Variants in ST6GALNAC1 observed in about 807,000 individuals in gnomAD.
ST6GALNAC1 encodes alpha-N-acetylgalactosaminide alpha-2,6-sialyltransferase 1.
Under a neutral mutation model 56.8 loss-of-function variants are expected in ST6GALNAC1, and 45 were observed. The observed-to-expected ratio is 0.79, with a 90% CI of 0.62 to 1.02. ST6GALNAC1 has a LOEUF of 1.02. Ranked by LOEUF, ST6GALNAC1 falls within the 50% of genes least tolerant of loss-of-function variation. The pLI is 0.00. For synonymous variants in ST6GALNAC1, 295 were observed against 297.8 expected (o/e 0.99, Z 0.10); for missense variants, 743 against 754.8 (o/e 0.98, Z 0.18).
At chr17:76,623,334 CTCT>C (rs2075759634), downstream of ST6GALNAC1, among the ~76,000 whole-genome samples, 2 of 152,188 alleles carry the variant, frequency 1.3e-5, no homozygotes, top group Admixed American at 6.5e-5. Flanking sequence ...GTATTCCTAG[CTCT>C]TCTTACATTT....
the ST6GALNAC1 span, among the ~76,000 whole-genome samples, chr17:76,619,159 C>G: frequency 6.6e-6 from 1 of 152,096 alleles, no homozygotes; most frequent in East Asian, 1.9e-4. Context: ...TCCTTACTTT[C>G]TAGAACAATA....
intron 1 of ST6GALNAC1, among the ~76,000 whole-genome samples, chr17:76,638,674 G>A (rs966155070): frequency 7.2e-5 from 11 of 152,004 alleles, no homozygotes; most frequent in Non-Finnish European, 1.2e-4. Context: ...TCTGCCTCCC[G>A]GATTCAGGCA....
intron 1 of ST6GALNAC1, among the ~76,000 whole-genome samples, chr17:76,638,976 G>A (rs144805701): frequency 6.2e-4 from 94 of 152,242 alleles, no homozygotes; most frequent in Non-Finnish European, 9.4e-4. Context: ...CTTTCTTCCT[G>A]TTCAAACTGT....
intron 1 of ST6GALNAC1, among the ~76,000 whole-genome samples, chr17:76,631,107 G>A (rs962250903): frequency 1.2e-4 from 18 of 151,260 alleles, no homozygotes; most frequent in South Asian, 2.1e-4. Context: ...GCACGCGTGC[G>A]CGAGCACTTG....
chr17:76,623,964 G>A (rs2075764544), downstream of ST6GALNAC1, among the ~76,000 whole-genome samples: 1 of 152,218 alleles, frequency 6.6e-6, no homozygotes, highest in African/African-American at 2.4e-5. Context: ...AAGTCGTTGT[G>A]ACTAGAGCTT....
chr17:76,625,419 C>A lies in ST6GALNAC1; in HGVS notation c.1714G>T (p.Glu572Ter). The A allele has an allele frequency of 6.2e-7, 1 of 1,614,164 alleles. No individual in the cohort carries two copies. The highest frequency in any genetic ancestry group is 1.7e-4 in the Middle Eastern group (1 of 6,048). The change falls in exon 9 of 9, where the codon GAG becomes TAG. Residue 572 changes from glutamate to a stop codon, truncating the protein, a stop_gained. Transcript: ENST00000156626. LOFTEE classifies it low-confidence loss of function (END_TRUNC). Reference sequence around the variant, plus strand: ...TGTAGCCGCTTCCAGACTTCTCTCTCCAGCTTGAAGTCATGGTTTATGTAA... The same window carrying A: ...TGTAGCCGCTTCCAGACTTCTCTCTACAGCTTGAAGTCATGGTTTATGTAA... ...IFYINHDFKL[E>*]REVWKRLHDE... is the part of the protein sequence containing the mutation.
At chr17:76,618,496 G>A in the ST6GALNAC1 span, among the ~76,000 whole-genome samples, 3 of 152,058 alleles carry the variant, frequency 2.0e-5, no homozygotes, top group Admixed American at 6.6e-5. Flanking sequence ...TAAATTTTTT[G>A]GCTGGGCACA....
chr17:76,622,252 C>CTATA (rs143088443), downstream of ST6GALNAC1, among the ~76,000 whole-genome samples: 68,582 of 148,386 alleles, frequency 0.46, 16,530 homozygotes, highest in Non-Finnish European at 0.55. Flanking sequence ...AAGTCCTTTA[C>CTATA]TATATATATA....
At chr17:76,638,146 A>G (rs527272633) in intron 1 of ST6GALNAC1, among the ~76,000 whole-genome samples, 178 of 148,054 alleles carry the variant, frequency 1.2e-3, no homozygotes, top group African/African-American at 4.3e-3. Context: ...CGCTTTACGA[A>G]TTTGCACGTC....
chr17:76,629,635 C>T lies in ST6GALNAC1; in HGVS notation c.208G>A (p.Ala70Thr). The T allele has an allele frequency of 1.2e-6, 2 of 1,613,686 alleles. No homozygotes were observed. The highest frequency in any genetic ancestry group is 1.7e-6 in the Non-Finnish European group (2 of 1,179,786). Reference sequence around the variant, plus strand: ...TCTGCATAGATGGTTGTCCTCCTTGCCCTTGTGGGTGCCTGGGACTTAGGC... The same window carrying T: ...TCTGCATAGATGGTTGTCCTCCTTGTCCTTGTGGGTGCCTGGGACTTAGGC... ...AKPKSQAPTR[A>T]RRTTIYAEPV... Residue 70 changes from alanine (A) to threonine (T), a missense_variant, in exon 2 of 9, where the codon GCA (alanine) becomes ACA (threonine). Physicochemically the swap from Ala to Thr is moderately conservative, Grantham distance 58. Coordinates refer to ENST00000156626, the MANE Select transcript of ST6GALNAC1 (RefSeq NM_018414.5).
At position 76,629,541 on chromosome 17, in the gene ST6GALNAC1, C is replaced by T; in HGVS notation, c.302G>A (p.Gly101Glu). 6.2e-7 allele frequency: 1 copy of T among 1,614,044 alleles called. No individual in the cohort carries two copies. The highest frequency in any genetic ancestry group is 1.1e-5 in the South Asian group (1 of 91,048). ...QPKAHTTGDR[G>E]KEANQAPPEE... ...CGGCGGTGCCTGGTTGGCCTCCTTTCCTCTGTCTCCGGTGGTGTGGGCCTT... is the reference window on the plus strand; with the variant it reads ...CGGCGGTGCCTGGTTGGCCTCCTTTTCTCTGTCTCCGGTGGTGTGGGCCTT... Residue 101 changes from glycine to glutamate, a missense_variant, in exon 2 of 9, where the codon GGA (glycine) becomes GAA (glutamate). Physicochemically the swap from Gly to Glu is moderately conservative, Grantham distance 98 (BLOSUM62 -2). Transcript: ENST00000156626.
chr17:76,635,235 A>G (rs571034441), intron 1 of ST6GALNAC1, among the ~76,000 whole-genome samples: 5 of 152,298 alleles, frequency 3.3e-5, no homozygotes, highest in Admixed American at 2.6e-4. Flanking sequence ...GTTGCTGCTC[A>G]TCATACTTCA....
chr17:76,643,030 T>C (rs905575133), intron 1 of ST6GALNAC1, among the ~76,000 whole-genome samples: 6 of 152,116 alleles, frequency 3.9e-5, no homozygotes, highest in Admixed American at 1.3e-4. Context: ...GCGTCCACAA[T>C]TGAAACTGCA....
intron 1 of ST6GALNAC1, among the ~76,000 whole-genome samples, chr17:76,642,877 T>C (rs969111999): frequency 1.5e-5 from 2 of 137,374 alleles, no homozygotes; most frequent in African/African-American, 5.6e-5. Context: ...GCTGAGATCA[T>C]GCCACTGCAC....
At position 76,627,318 on chromosome 17, in the gene ST6GALNAC1, A is replaced by G. The variant is rs2075817209; in HGVS notation, c.1001-80T>C. ...ACCCATCATTCCTCCCAGGTCTGGC[A>G]AACCCCAGGGAAGAGGCAGACCAGA... is the stretch of plus-strand genomic sequence containing the variant. On this transcript the variant is annotated intron_variant, in intron 3 of 8. Transcript: ENST00000156626. This position sits in a 1 kb window ranked among gnomAD's most constrained non-coding sequence, Gnocchi z 4.4. 2.6e-6 allele frequency: 4 copies of G among 1,566,852 alleles called. No homozygotes were observed. In the African/African-American group the frequency reaches 5.4e-5, roughly 21 times the overall value.
intron 1 of ST6GALNAC1, among the ~76,000 whole-genome samples, chr17:76,636,730 A>AG (rs1038423512): frequency 2.7e-5 from 4 of 150,940 alleles, no homozygotes; most frequent in African/African-American, 9.6e-5. Flanking sequence ...CTGGGAAGTG[A>AG]GGAGCCCCTC....
At chr17:76,639,532 G>A (rs868670121) in intron 1 of ST6GALNAC1, among the ~76,000 whole-genome samples, 3 of 152,020 alleles carry the variant, frequency 2.0e-5, no homozygotes, top group African/African-American at 2.4e-5. Context: ...CCAAGATCGC[G>A]CCACTGCACT....
chr17:76,643,734 G>GT lies in ST6GALNAC1; in HGVS notation c.-97dup, dbSNP rs2076080888. 7.8e-7 allele frequency: 1 copy of GT among 1,278,278 alleles called. No individual in the cohort carries two copies. Among genetic ancestry groups the GT allele is most frequent in the African/African-American group, 1.5e-5 (1 of 66,668 alleles). 79.2% of individuals were successfully genotyped at this position (1,278,278 alleles called of 1,614,324 possible). On this transcript the variant is annotated 5_prime_UTR_variant, in exon 1 of 9. Coordinates refer to ENST00000156626, the MANE Select transcript of ST6GALNAC1 (RefSeq NM_018414.5). ...ACCGCTCAGGTTTCCTGGCCAGGAA[G>GT]TGCACACCCTTTGTCTTAACAATGA...
At position 76,629,332 on chromosome 17, in the gene ST6GALNAC1, T is replaced by G. The variant is rs888584847; in HGVS notation, c.511A>C (p.Thr171Pro). The change falls in exon 2 of 9, where the codon ACC becomes CCC. Residue 171 changes from threonine (T) to proline (P), a missense_variant. By Grantham distance (38) the Thr-to-Pro change is conservative (BLOSUM62 -1). Transcript: ENST00000156626. ...TKTTQGNGGQ[T>P]RKLTASRTVS... ...GTCCTGGAGGCCGTCAGCTTCCTGG[T>G]CTGGCCCCCATTTCCTTGGGTCGTC... 3.1e-6 allele frequency: 5 copies of G among 1,614,192 alleles called. No individual in the cohort carries two copies. The highest frequency in any genetic ancestry group is 4.2e-6 in the Non-Finnish European group (5 of 1,180,018).
Sources: gnomAD v4.1 joint callset for allele counts (sites outside exome capture counted in the v4.1 genomes callset) on GRCh38, gnomAD v4.1.1 for gene constraint, Gnocchi (gnomAD v3.1) non-coding constraint, MANE v1.5 for transcripts, NCBI Gene and HGNC (gene_info 2026-07-23, HGNC 2026-07-21) for gene names.